GEM: variants seen among roughly 807,000 people sequenced by gnomAD.
GEM encodes the protein GTP-binding protein GEM.
Under a neutral mutation model 33.0 loss-of-function variants are expected in GEM, and 31 were observed. The observed-to-expected ratio is 0.94, with a 90% CI of 0.71 to 1.27. The LOEUF (loss-of-function observed/expected upper bound fraction) is 1.27. GEM is among the 50% of genes most tolerant of loss of function. The pLI is 0.00. For missense variants in GEM, 354 were observed against 390.5 expected (o/e 0.91, Z 0.79); for synonymous variants, 141 against 143.7 (o/e 0.98, Z 0.13).
At position 94,253,106 on chromosome 8, in the gene GEM, G is replaced by A. The variant is rs757104245; in HGVS notation, c.338C>T (p.Thr113Ile). 2.6e-6 allele frequency: 4 copies of A among 1,558,488 alleles called. No individual in the cohort carries two copies. The highest frequency in any genetic ancestry group is 3.5e-6 in the Non-Finnish European group (4 of 1,129,412). The change falls in exon 3 of 5, where the codon ACA becomes ATA. Residue 113 changes from threonine (T) to isoleucine (I), a missense_variant. By Grantham distance (89) the Thr-to-Ile change is moderately conservative. Transcript: ENST00000297596. ...ATCAACCATCAGGGTTCGTTCATAT[G>A]TATCTTCTAGAGAAGAAAGAACAAA... The part of the protein sequence containing the change: ...DSDCEVLGED[T>I]YERTLMVDGE...
At position 94,260,320 on chromosome 8, in the gene GEM, A is replaced by C; in HGVS notation, c.184T>G (p.Ser62Ala). ...DHCRRSWSSD[S>A]TDSVISSESG... ...TCAGAGGAGATGACTGAGTCTGTGG[A>C]GTCAGAGGACCAGCTTCGGCGGCAG... Residue 62 changes from serine (S) to alanine (A), a missense_variant, in exon 2 of 5, where the codon TCC (serine) becomes GCC (alanine). Physicochemically the swap from Ser to Ala is moderately conservative, Grantham distance 99 (BLOSUM62 1). Transcript: ENST00000297596. 6 of 1,614,156 alleles carry C rather than the reference A, an allele frequency of 3.7e-6. No homozygotes were observed. Among genetic ancestry groups the C allele is most frequent in the Non-Finnish European group, 5.1e-6 (6 of 1,179,992 alleles).
chr8:94,250,683 G>T, intron 4 of GEM, 96 bp from the exon 5 acceptor site: 1 of 967,232 alleles, frequency 1.0e-6, no homozygotes, highest in Non-Finnish European at 1.5e-6. Context: ...CACTAAGTCA[G>T]CTGTATATGC....
At chr8:94,259,481 C>G (rs919110564) in intron 2 of GEM, among the ~76,000 whole-genome samples, 3 of 152,194 alleles carry the variant, frequency 2.0e-5, no homozygotes, top group African/African-American at 7.2e-5. Flanking sequence ...CCTCATATTA[C>G]TTAGCAGAAC....
intron 2 of GEM, among the ~76,000 whole-genome samples, chr8:94,256,072 G>A (rs768276408): frequency 2.6e-5 from 4 of 152,214 alleles, no homozygotes; most frequent in Admixed American, 6.5e-5. Flanking sequence ...TCAGTTTAGT[G>A]AGAATCCCCC....
At chr8:94,256,000 C>A (rs1206505709) in intron 2 of GEM, among the ~76,000 whole-genome samples, 1 of 152,166 alleles carries the variant, frequency 6.6e-6, no homozygotes, top group African/African-American at 2.4e-5. Context: ...CTCTACCCGG[C>A]CTCTCCCTGG....
chr8:94,259,141 C>T (rs1216680542), intron 2 of GEM, among the ~76,000 whole-genome samples: 1 of 152,174 alleles, frequency 6.6e-6, no homozygotes, highest in Non-Finnish European at 1.5e-5. Flanking sequence ...AGCCCAGTTC[C>T]TGAGCTGCCT....
Position 94,250,105 on chromosome 8 carries a change from C to T in GEM, c.*205G>A. On this transcript the variant is annotated 3_prime_UTR_variant, in exon 5 of 5. Coordinates refer to ENST00000297596, the MANE Select transcript of GEM (RefSeq NM_005261.4). ...GTCTTGGGTGTTCAAATAGCAAGGTCAGGCTTTTCCTGGAAATAAATACTG... is the reference window on the plus strand; with the variant it reads ...GTCTTGGGTGTTCAAATAGCAAGGTTAGGCTTTTCCTGGAAATAAATACTG... The T allele has an allele frequency of 1.8e-6, 1 of 570,500 alleles. No homozygotes were observed. Among genetic ancestry groups the T allele is most frequent in the East Asian group, 2.9e-5 (1 of 34,974 alleles). The allele number at this position is 570,500 out of a possible 1,614,324, so 35.3% of individuals were successfully genotyped here. A position where few individuals can be genotyped will look rare whatever the true frequency, so the allele number is the denominator to read the frequency against.
intron 3 of GEM, among the ~76,000 whole-genome samples, chr8:94,252,706 G>A (rs1808805215): frequency 6.6e-6 from 1 of 152,156 alleles, no homozygotes; most frequent in African/African-American, 2.4e-5. Flanking sequence ...GACTGGTATT[G>A]AGAATCTCAA....
chr8:94,260,666 C>A, intron 1 of GEM, 154 bp from the exon 2 acceptor site: 1 of 586,662 alleles, frequency 1.7e-6, no homozygotes, highest in Non-Finnish European at 3.0e-6. Context: ...CCCCCAAACC[C>A]CAACAAGACA....
At chr8:94,253,572 T>G (rs1410889421) in intron 2 of GEM, among the ~76,000 whole-genome samples, 1 of 152,236 alleles carries the variant, frequency 6.6e-6, no homozygotes, top group Non-Finnish European at 1.5e-5. Context: ...TCAGGAGCTT[T>G]GGGCTCAGAG....
At chr8:94,256,151 C>G (rs1325041610) in intron 2 of GEM, among the ~76,000 whole-genome samples, 1 of 152,114 alleles carries the variant, frequency 6.6e-6, no homozygotes, top group East Asian at 1.9e-4. Flanking sequence ...CTGACTTCAG[C>G]AAGAATCCCC....
Position 94,253,044 on chromosome 8 carries a change from C to T in GEM, c.400G>A (p.Glu134Lys). The change falls in exon 3 of 5, where the codon GAA becomes AAA. Residue 134 changes from glutamate (E) to lysine (K), a missense_variant. Glu to Lys is a moderately conservative substitution (Grantham distance 56). Coordinates refer to ENST00000297596, the MANE Select transcript of GEM (RefSeq NM_005261.4). Reference sequence around the variant, plus strand: ...CTACAGGCTCTGCATACCTTATTTTCCCACATATCCAGGAGTATAATCGTT... The same window carrying T: ...CTACAGGCTCTGCATACCTTATTTTTCCACATATCCAGGAGTATAATCGTT... The part of the protein sequence containing the change: ...SATIILLDMW[E>K]NKGENEWLHD... The T allele has an allele frequency of 6.3e-7, 1 of 1,575,340 alleles. No individual in the cohort carries two copies. The highest frequency in any genetic ancestry group is 2.2e-5 in the East Asian group (1 of 44,708).
intron 2 of GEM, among the ~76,000 whole-genome samples, chr8:94,255,264 A>G (rs1166527901): frequency 6.6e-6 from 1 of 152,234 alleles, no homozygotes. Flanking sequence ...ATATCAGAAC[A>G]AGTCTAGAGA....
rs936128228 is a variant in GEM at position 94,250,673 on chromosome 8, C to T, written c.614-86G>A. ...CAAGCTGGATGGTTCTTCGAGGTAA[C>T]ACTAAGTCAGCTGTATATGCAGTGG... On this transcript the variant is annotated intron_variant, in intron 4 of 4. Coordinates refer to ENST00000297596, the MANE Select transcript of GEM (RefSeq NM_005261.4). 62 of 1,118,608 alleles carry T rather than the reference C, an allele frequency of 5.5e-5. No individual in the cohort carries two copies. The African/African-American group carries it at 8.5e-4, about 15-fold the overall frequency. The allele number at this position is 1,118,608 out of a possible 1,614,324, so 69.3% of individuals were successfully genotyped here. A position where few individuals can be genotyped will look rare whatever the true frequency, so the allele number is the denominator to read the frequency against.
chr8:94,259,687 T>C (rs1808973992), intron 2 of GEM: 1 of 152,888 alleles, frequency 6.5e-6, no homozygotes, highest in South Asian at 2.1e-4. Context: ...TATTATGCTA[T>C]TTCAAATACA....
chr8:94,257,942 T>C (rs1211830502), intron 2 of GEM, among the ~76,000 whole-genome samples: 3 of 152,008 alleles, frequency 2.0e-5, no homozygotes, highest in African/African-American at 7.3e-5. Flanking sequence ...TTCCAGCAGG[T>C]CCTACAGATT....
At chr8:94,259,526 A>G (rs954911889) in intron 2 of GEM, among the ~76,000 whole-genome samples, 13 of 152,194 alleles carry the variant, frequency 8.5e-5, no homozygotes, top group Non-Finnish European at 1.9e-4. Context: ...TGAAGAATAC[A>G]TGCATTTTGA....
Position 94,253,092 on chromosome 8 carries a change from G to A in GEM, c.352C>T (p.Leu118=). The change falls in exon 3 of 5, where the codon CTG becomes TTG. Residue 118 remains leucine (L), a synonymous_variant. Transcript: ENST00000297596. ...VLGEDTYERT[L]MVDGESATII... is the part of the protein sequence containing the mutation. ...GTTGCACTTTCCCCATCAACCATCA[G>A]GGTTCGTTCATATGTATCTTCTAGA... 6.3e-7 allele frequency: 1 copy of A among 1,595,512 alleles called. No individual in the cohort carries two copies. The highest frequency in any genetic ancestry group is 8.6e-7 in the Non-Finnish European group (1 of 1,163,210).
At position 94,252,082 on chromosome 8, in the gene GEM, T is replaced by C; in HGVS notation, c.550A>G (p.Ile184Val). ...TTGTTGCCAACCAAAATTATGGGAA[T>C]GTCCTCTGTCTGCCGGGCCCTGCGG... Reference protein sequence around the residue: ...QLRRARQTEDIPIILVGNKSD... With the variant: ...QLRRARQTEDVPIILVGNKSD... The change falls in exon 4 of 5, where the codon ATT becomes GTT. Residue 184 changes from isoleucine to valine, a missense_variant. Physicochemically the swap from Ile to Val is conservative, Grantham distance 29 (BLOSUM62 3). Transcript: ENST00000297596. 1 of 1,614,190 alleles carries C rather than the reference T, an allele frequency of 6.2e-7. No homozygotes were observed. Among genetic ancestry groups the C allele is most frequent in the East Asian group, 2.2e-5 (1 of 44,876 alleles).
Sources: allele counts gnomAD v4.1 joint callset (sites outside exome capture counted in the v4.1 genomes callset), GRCh38; gene constraint gnomAD v4.1.1; transcripts MANE v1.5; gene names NCBI Gene and HGNC (gene_info 2026-07-23, HGNC 2026-07-21).